Variants in MTUS2 observed in about 807,000 individuals in gnomAD.
MTUS2 encodes microtubule-associated tumor suppressor candidate 2.
MTUS2 carries 40 observed loss-of-function variants against 114.1 expected under a neutral mutation model. That is an observed-to-expected ratio of 0.35 (90% CI 0.27 to 0.46). The LOEUF is 0.46. Ranked by LOEUF, MTUS2 falls within the 20% of genes least tolerant of loss-of-function variation. The pLI is 1.00. For synonymous variants in MTUS2, 688 were observed against 672.0 expected, an observed-to-expected ratio of 1.02 and a Z score of -0.37; for missense variants, 1,679 against 1,705.4, an observed-to-expected ratio of 0.98 and a Z score of 0.27.
intron 8 of MTUS2, chr13:29,428,931 T>C (rs200294936): frequency 6.2e-7 from 1 of 1,606,346 alleles, no homozygotes; most frequent in African/African-American, 1.3e-5. Context: ...TTCCCCCTCC[T>C]CCTTTGCAAG....
chr13:28,962,176 C>T (rs914990335), intron 2 of MTUS2, among the ~76,000 whole-genome samples: 2 of 151,512 alleles, frequency 1.3e-5, no homozygotes, highest in Non-Finnish European at 2.9e-5. Context: ...AAAAATTGTA[C>T]TAGCTTACAT....
intron 2 of MTUS2, among the ~76,000 whole-genome samples, chr13:28,879,006 T>A (rs908423111): frequency 3.9e-5 from 6 of 152,244 alleles, no homozygotes; most frequent in Non-Finnish European, 7.3e-5. Flanking sequence ...TTCTTGACTT[T>A]TTAATAATTG....
chr13:29,097,931 T>C (rs148921795), intron 4 of MTUS2, among the ~76,000 whole-genome samples: 2 of 152,348 alleles, frequency 1.3e-5, no homozygotes, highest in Admixed American at 6.5e-5. Flanking sequence ...GTAAGTACTA[T>C]ATATTTTTAT....
intron 5 of MTUS2, among the ~76,000 whole-genome samples, chr13:29,208,846 C>G (rs1242874745): frequency 6.6e-6 from 1 of 152,012 alleles, no homozygotes; most frequent in African/African-American, 2.4e-5. Context: ...CTTTTGTGGC[C>G]TGTCATGTAC....
chr13:29,134,089 AT>A (rs907437347), intron 5 of MTUS2, among the ~76,000 whole-genome samples: 14 of 151,380 alleles, frequency 9.2e-5, no homozygotes, highest in East Asian at 2.0e-4. Context: ...TTGTATTTTT[AT>A]TTTTTTTGTC....
At chr13:29,386,254 A>G (rs1872624499) in intron 8 of MTUS2, among the ~76,000 whole-genome samples, 1 of 152,210 alleles carries the variant, frequency 6.6e-6, no homozygotes, top group Non-Finnish European at 1.5e-5. Context: ...CTTTTGCAAT[A>G]GGAGAGGGAG....
rs184949230 is a variant in MTUS2 at position 29,224,064 on chromosome 13, C to T, written c.2645-57640C>T. 2.8e-4 allele frequency among the ~76,000 whole-genome samples: 43 copies of T among 152,338 alleles called. 1 individual carries two copies. In the East Asian group the frequency reaches 6.9e-3, roughly 25 times the overall value. ...TTCCTTGCTGCTCCACACCTGGTTGCCCTTGGCAGGAATGGGATCCAGGCT... is the reference window on the plus strand; with the variant it reads ...TTCCTTGCTGCTCCACACCTGGTTGTCCTTGGCAGGAATGGGATCCAGGCT... On this transcript the variant is annotated intron_variant, in intron 5 of 15. Transcript: ENST00000612955.
intron 2 of MTUS2, among the ~76,000 whole-genome samples, chr13:28,910,628 A>C (rs1013769771): frequency 1.3e-5 from 2 of 151,516 alleles, no homozygotes; most frequent in African/African-American, 2.4e-5. Flanking sequence ...GAAAACATGC[A>C]GTGTTTGGTT....
At chr13:29,437,790 T>G (rs1877522859) in intron 8 of MTUS2, among the ~76,000 whole-genome samples, 1 of 151,992 alleles carries the variant, frequency 6.6e-6, no homozygotes, top group Non-Finnish European at 1.5e-5. Flanking sequence ...CTACTAAAAA[T>G]ACAGAAAATT....
chr13:29,217,637 G>A (rs1323478176), intron 5 of MTUS2, among the ~76,000 whole-genome samples: 2 of 152,196 alleles, frequency 1.3e-5, no homozygotes, highest in East Asian at 1.9e-4. Flanking sequence ...AAATTTAAGG[G>A]AACATTGAAG....
Position 29,305,598 on chromosome 13 carries a change from AT to A in MTUS2, c.2807-19014del, listed in dbSNP as rs1204601300. On this transcript the variant is annotated intron_variant, in intron 6 of 15. Transcript: ENST00000612955. ...CAAAACTGAACTAGGAAGAAATTGAATCCCTGAATAGACCAATAACAAGTTC... is the reference window on the plus strand; with the variant it reads ...CAAAACTGAACTAGGAAGAAATTGAACCCTGAATAGACCAATAACAAGTTC... Among the ~76,000 whole-genome samples, 14 of 152,296 alleles carry A rather than the reference AT, an allele frequency of 9.2e-5. No homozygotes were observed. The South Asian group carries it at 1.2e-3, about 14-fold the overall frequency.
intron 5 of MTUS2, among the ~76,000 whole-genome samples, chr13:29,245,694 ATT>A (rs34670074): frequency 3.0e-4 from 38 of 125,574 alleles, no homozygotes; most frequent in African/African-American, 1.0e-3. Flanking sequence ...ATCTATTTTA[ATT>A]TTTTTTTTTT....
Position 29,390,663 on chromosome 13 carries a change from AAAG to A in MTUS2, c.3117+31193_3117+31195del, listed in dbSNP as rs532097772. Among the ~76,000 whole-genome samples the A allele has an allele frequency of 3.2e-3, 482 of 150,592 alleles. 8 individuals carry two copies. The highest frequency in any genetic ancestry group is 0.011 in the African/African-American group (460 of 40,358). ...CGAGACTCCATCTCAAAAAAAAAAAAAAGAAAGAAAGAAAATATGTATTAGGGT... is the reference window on the plus strand; with the variant it reads ...CGAGACTCCATCTCAAAAAAAAAAAAAAAGAAAGAAAATATGTATTAGGGT... On this transcript the variant is annotated intron_variant, in intron 8 of 15. Transcript: ENST00000612955.
chr13:29,224,118 G>T (rs926199026), intron 5 of MTUS2, among the ~76,000 whole-genome samples: 20 of 152,228 alleles, frequency 1.3e-4, no homozygotes, highest in Admixed American at 1.3e-3. Context: ...CAACCTGCCA[G>T]GTTGAGTGGG....
intron 9 of MTUS2, among the ~76,000 whole-genome samples, chr13:29,467,990 C>G (rs1766545341): frequency 6.6e-6 from 1 of 151,982 alleles, no homozygotes; most frequent in South Asian, 2.1e-4. Context: ...GTGGCGCACA[C>G]CTATAGTCCC....
chr13:29,363,949 G>A (rs1266448223), intron 8 of MTUS2, among the ~76,000 whole-genome samples: 1 of 152,136 alleles, frequency 6.6e-6, no homozygotes, highest in South Asian at 2.1e-4. Flanking sequence ...GGAAACTGAG[G>A]TTTGGGGAGA....
At chr13:29,349,937 G>C (rs1869080895) in intron 7 of MTUS2, among the ~76,000 whole-genome samples, 1 of 151,992 alleles carries the variant, frequency 6.6e-6, no homozygotes, top group South Asian at 2.1e-4. Context: ...TTTGTCCATT[G>C]TTTCTTCAAA....
intron 2 of MTUS2, among the ~76,000 whole-genome samples, chr13:28,995,781 T>C (rs1038450632): frequency 6.6e-6 from 1 of 152,218 alleles, no homozygotes; most frequent in Admixed American, 6.5e-5. Flanking sequence ...GCCTATCAGC[T>C]TAAGGAGATT....
At chr13:29,428,751 G>T (rs553747737) in intron 8 of MTUS2, 23 of 1,591,302 alleles carry the variant, frequency 1.4e-5, no homozygotes, top group Non-Finnish European at 2.0e-5. Flanking sequence ...TCCCAGCGGC[G>T]CGCCCCTTTC....
Sources: gnomAD v4.1 joint callset for allele counts (sites outside exome capture counted in the v4.1 genomes callset) on GRCh38, gnomAD v4.1.1 for gene constraint, MANE v1.5 for transcripts, NCBI Gene and HGNC (gene_info 2026-07-23, HGNC 2026-07-21) for gene names.